The following PCSK5 variants were observed in gnomAD, a reference collection of about 807,000 sequenced individuals.
PCSK5 encodes prohormone convertase 5.
In PCSK5, 129 loss-of-function variants were observed where a neutral mutation model predicts 233.2. The ratio of observed to expected loss-of-function variants is 0.55; its 90% confidence interval spans 0.48 to 0.64. The LOEUF is 0.64. PCSK5 is among the 30% of genes least tolerant of loss of function. The pLI, the probability that PCSK5 is intolerant of heterozygous loss-of-function variation, is 0.00. For missense variants in PCSK5, 2,076 were observed against 2,430.1 expected (o/e 0.85, Z 3.06); for synonymous variants, 825 against 879.2 (o/e 0.94, Z 1.09).
Position 76,181,563 on chromosome 9 carries a change from C to G in PCSK5, c.2169C>G (p.His723Gln). 6.2e-7 allele frequency: 1 copy of G among 1,613,550 alleles called. No homozygotes were observed. Among genetic ancestry groups the G allele is most frequent in the Non-Finnish European group, 8.5e-7 (1 of 1,179,586 alleles). Reference protein sequence around the residue: ...LNEETNSCVTHCPDGSYQDTK... With the variant: ...LNEETNSCVTQCPDGSYQDTK... ...AAGAAACCAACAGCTGTGTTACTCA[C>G]TGCCCTGATGGGTCATATCAGGATA... Residue 723 changes from histidine (H) to glutamine (Q), a missense_variant, in exon 16 of 38, where the codon CAC becomes CAG. Physicochemically the swap from His to Gln is conservative, Grantham distance 24. Transcript: ENST00000674117.
chr9:76,285,750 T>C (rs1828042342), intron 24 of PCSK5, among the ~76,000 whole-genome samples: 1 of 152,132 alleles, frequency 6.6e-6, no homozygotes, highest in South Asian at 2.1e-4. Flanking sequence ...AAGGCTATCC[T>C]TAAGACATTG....
chr9:76,201,240 C>T (rs1824903273), intron 20 of PCSK5, among the ~76,000 whole-genome samples: 1 of 152,078 alleles, frequency 6.6e-6, no homozygotes, highest in African/African-American at 2.4e-5. Flanking sequence ...CAGAGAAGAA[C>T]AAAAGGAAAA....
intron 3 of PCSK5, among the ~76,000 whole-genome samples, chr9:76,017,481 T>C (rs1157940718): frequency 6.6e-6 from 1 of 152,204 alleles, no homozygotes; most frequent in East Asian, 1.9e-4. Flanking sequence ...TTCATCTTTA[T>C]AGCAATTATC....
intron 35 of PCSK5, among the ~76,000 whole-genome samples, chr9:76,346,323 G>A (rs961761408): frequency 2.0e-5 from 3 of 152,126 alleles, no homozygotes; most frequent in Admixed American, 1.3e-4. Context: ...AATGTCTTTA[G>A]TTGGGTTTGA....
At chr9:76,320,636 G>T (rs1829170952) in intron 30 of PCSK5, among the ~76,000 whole-genome samples, 1 of 150,290 alleles carries the variant, frequency 6.7e-6, no homozygotes, top group Non-Finnish European at 1.5e-5. Flanking sequence ...ATCACACCTG[G>T]CTAATTTTTA....
rs75167011 is a variant in PCSK5, at chr9:76,099,875, C to T, written c.1107+3773C>T. On this transcript the variant is annotated intron_variant, in intron 8 of 37. Coordinates refer to ENST00000674117, the MANE Select transcript of PCSK5 (RefSeq NM_001372043.1). ...CATCTGCAGCCTACCCAGAAGAGCA[C>T]GGTTGTCATTCTTCATTCATAGAGC... 3.3e-5 allele frequency among the ~76,000 whole-genome samples: 5 copies of T among 152,276 alleles called. No individual in the cohort carries two copies. The East Asian group carries it at 7.7e-4, about 23-fold the overall frequency.
At chr9:75,937,481 C>T (rs1824109793) in intron 2 of PCSK5, among the ~76,000 whole-genome samples, 1 of 152,112 alleles carries the variant, frequency 6.6e-6, no homozygotes, top group African/African-American at 2.4e-5. Flanking sequence ...TCTCAGCCCT[C>T]CATTTAGCAT....
At chr9:76,233,656 A>T in intron 22 of PCSK5, 60 bp downstream of exon 22, 1 of 1,522,418 alleles carries the variant, frequency 6.6e-7, no homozygotes. Flanking sequence ...TCTGATGGCC[A>T]TCATTTGGTT....
chr9:76,294,063 G>A (rs1204181433), intron 25 of PCSK5, among the ~76,000 whole-genome samples: 1 of 152,132 alleles, frequency 6.6e-6, no homozygotes, highest in Non-Finnish European at 1.5e-5. Flanking sequence ...CGAGTGTGGT[G>A]GCATGCATCT....
chr9:76,152,159 T>G (rs1483647367), intron 10 of PCSK5, among the ~76,000 whole-genome samples: 2 of 151,990 alleles, frequency 1.3e-5, no homozygotes, highest in Non-Finnish European at 2.9e-5. Context: ...GGGAGAGTAC[T>G]CTCTCTCTCT....
At position 76,359,004 on chromosome 9, in the gene PCSK5, C is replaced by G; in HGVS notation, c.*82C>G. 7.2e-6 allele frequency: 8 copies of G among 1,118,196 alleles called. No individual in the cohort carries two copies. The highest frequency in any genetic ancestry group is 1.0e-5 in the Non-Finnish European group (8 of 768,224). 69.3% of individuals were successfully genotyped at this position (1,118,196 alleles called of 1,614,324 possible). On this transcript the variant is annotated 3_prime_UTR_variant, in exon 38 of 38. Transcript: ENST00000674117. ...ACTGTTTTTGGTTTTATCCCCACAC[C>G]AGGCTGATGTGTGAGTTTTTCTATT...
chr9:76,352,612 C>CCCA (rs1830195349), intron 36 of PCSK5, among the ~76,000 whole-genome samples: 1 of 152,078 alleles, frequency 6.6e-6, no homozygotes, highest in Admixed American at 6.5e-5. Context: ...AAGCCATCCA[C>CCCA]CCACCTCAGC....
At chr9:76,140,655 A>G (rs554037006) in intron 10 of PCSK5, among the ~76,000 whole-genome samples, 3 of 152,204 alleles carry the variant, frequency 2.0e-5, no homozygotes, top group African/African-American at 4.8e-5. Flanking sequence ...AAGTTTTTAA[A>G]TCATTAATCG....
chr9:75,903,849 A>T (rs112637473), intron 1 of PCSK5, among the ~76,000 whole-genome samples: 1 of 151,934 alleles, frequency 6.6e-6, no homozygotes, highest in African/African-American at 2.4e-5. Flanking sequence ...CTATAATTTT[A>T]TAAGCAAATA....
At chr9:76,142,557 A>G (rs1823269994) in intron 10 of PCSK5, among the ~76,000 whole-genome samples, 1 of 152,182 alleles carries the variant, frequency 6.6e-6, no homozygotes, top group Non-Finnish European at 1.5e-5. Context: ...AAAGAATTTA[A>G]TGCCCCTCTT....
At chr9:75,911,193 A>G (rs893106918) in intron 1 of PCSK5, among the ~76,000 whole-genome samples, 1 of 143,332 alleles carries the variant, frequency 7.0e-6, no homozygotes, top group Non-Finnish European at 1.5e-5. Context: ...TTGCGTGTGA[A>G]CATATAGGTT....
At chr9:75,927,901 G>A (rs533300596) in intron 1 of PCSK5, among the ~76,000 whole-genome samples, 27 of 152,304 alleles carry the variant, frequency 1.8e-4, no homozygotes, top group South Asian at 8.3e-4. Context: ...TGAAAGAACT[G>A]AAACATTGAA....
At chr9:76,279,475 G>A (rs1284809782) in intron 24 of PCSK5, among the ~76,000 whole-genome samples, 1 of 151,846 alleles carries the variant, frequency 6.6e-6, no homozygotes, top group African/African-American at 2.4e-5. Context: ...CTAGATCCCT[G>A]AGGAATCGCC....
At chr9:76,071,041 T>C (rs527865271) in intron 6 of PCSK5, among the ~76,000 whole-genome samples, 1 of 152,334 alleles carries the variant, frequency 6.6e-6, no homozygotes, top group Admixed American at 6.5e-5. Flanking sequence ...AATTTATTTC[T>C]GAGTATCTTA....
Sources: allele counts gnomAD v4.1 joint callset (sites outside exome capture counted in the v4.1 genomes callset), GRCh38; gene constraint gnomAD v4.1.1; transcripts MANE v1.5; gene names NCBI Gene and HGNC (gene_info 2026-07-23, HGNC 2026-07-21).